MYO15A: variants seen among roughly 807,000 people sequenced by gnomAD.
The protein encoded by MYO15A is myosin XVA.
Under a neutral mutation model 394.6 loss-of-function variants are expected in MYO15A, and 308 were observed. The ratio of observed to expected loss-of-function variants is 0.78; its 90% CI spans 0.71 to 0.86. The LOEUF is 0.86. MYO15A is among the 40% of genes least tolerant of loss of function. MYO15A has a pLI of 0.00. For missense variants in MYO15A, 4,606 were observed against 4,799.1 expected, an observed-to-expected ratio of 0.96 and a Z score of 1.19; for synonymous variants, 1,957 against 2,003.8, an observed-to-expected ratio of 0.98 and a Z score of 0.62.
At chr17:18,158,289 C>A in intron 51 of MYO15A, 1 of 594,286 alleles carries the variant, frequency 1.7e-6, no homozygotes, top group Non-Finnish European at 3.0e-6. Flanking sequence ...GGAAGTCAAC[C>A]CCGGGCAAGG....
chr17:18,133,389 G>A lies in MYO15A; in HGVS notation c.4482+3G>A, dbSNP rs749379377. 1.2e-6 allele frequency: 2 copies of A among 1,613,934 alleles called. No homozygotes were observed. The highest frequency in any genetic ancestry group is 1.7e-6 in the Non-Finnish European group (2 of 1,179,864). ...ACGTCTACTTTGAGAAGTATGAGGT[G>A]AGGGGACGCCACAGCCTGCCATGGG... On this transcript the variant is annotated splice_donor_region_variant and intron_variant, in intron 12 of 65. Transcript: ENST00000647165.
In MYO15A at chr17:18,159,517, C is replaced by T. The variant is rs2046742974; in HGVS notation, c.9230-89C>T. 4 of 1,535,604 alleles carry T rather than the reference C, an allele frequency of 2.6e-6. No individual in the cohort carries two copies. In the South Asian group the frequency reaches 3.4e-5, roughly 13 times the overall value. ...CTCCCAGCTGCCTGTGGCCAAGGCT[C>T]CCAGGGAGGGGCTCAGCCCTGGGGC... is the stretch of plus-strand genomic sequence containing the variant. On this transcript the variant is annotated intron_variant, in intron 54 of 65. Transcript: ENST00000647165.
Position 18,119,888 on chromosome 17 carries a change from C to G in MYO15A, c.1088C>G (p.Pro363Arg). 6.2e-7 allele frequency: 1 copy of G among 1,613,282 alleles called. No homozygotes were observed. The highest frequency in any genetic ancestry group is 8.5e-7 in the Non-Finnish European group (1 of 1,179,998). The change falls in exon 2 of 66, where the codon CCC (proline) becomes CGC (arginine). Residue 363 changes from proline to arginine, a missense_variant. Pro to Arg is a moderately radical substitution (Grantham distance 103). This residue lies in a region of MYO15A where 1,830 missense variants were observed against 1,689.7 expected (regional missense o/e 1.08). Coordinates refer to ENST00000647165, the MANE Select transcript of MYO15A (RefSeq NM_016239.4). ...YPPYDLPYHT[P>R]YDVPYFDPYG... ...CCCTATGACCTCCCATACCACACTC[C>G]CTACGATGTACCCTACTTTGATCCC...
chr17:18,153,678 A>G lies in MYO15A; in HGVS notation c.7967-97A>G. On this transcript the variant is annotated intron_variant, in intron 42 of 65. Coordinates refer to ENST00000647165, the MANE Select transcript of MYO15A (RefSeq NM_016239.4). The surrounding 1 kb of genome is among the most constrained non-coding windows in gnomAD (Gnocchi z 4.1). ...GCGCCACTGCACTCTAGCCTGGGGG[A>G]CAACAGCGAAACTCCGTCTCAAAAA... is the stretch of plus-strand genomic sequence containing the variant. 8.2e-7 allele frequency: 1 copy of G among 1,218,690 alleles called. No homozygotes were observed. Among genetic ancestry groups the G allele is most frequent in the South Asian group, 2.0e-5 (1 of 49,242 alleles). 75.5% of individuals were successfully genotyped at this position (1,218,690 alleles called of 1,614,324 possible). A position where few individuals can be genotyped will look rare whatever the true frequency, so the allele number is the denominator to read the frequency against.
Position 18,121,171 on chromosome 17 carries a change from C to T in MYO15A, c.2371C>T (p.Pro791Ser), listed in dbSNP as rs1461737359. 5 of 1,515,694 alleles carry T rather than the reference C, an allele frequency of 3.3e-6. No individual in the cohort carries two copies. In the African/African-American group the frequency reaches 4.3e-5, roughly 13 times the overall value. The allele number at this position is 1,515,694 out of a possible 1,614,324, so 93.9% of individuals were successfully genotyped here. ...CTCGCCGGGCCTCGGCTACTGCTCA[C>T]CCTTGGCGCCCCCGTCGCCTCAGCT... is the stretch of plus-strand genomic sequence containing the variant. ...RSSPGLGYCS[P>S]LAPPSPQLSL... The change falls in exon 2 of 66, where the codon CCC (proline) becomes TCC (serine). Residue 791 changes from proline to serine, a missense_variant. Coordinates refer to ENST00000647165, the MANE Select transcript of MYO15A (RefSeq NM_016239.4). The surrounding 1 kb of genome is among the most constrained non-coding windows in gnomAD (Gnocchi z 5.3).
Position 18,138,735 on chromosome 17 carries a change from T to C in MYO15A, c.5008-76T>C, listed in dbSNP as rs992861182. The C allele has an allele frequency of 1.4e-5, 22 of 1,576,098 alleles. No homozygotes were observed. In the Admixed American group the frequency reaches 1.7e-4, roughly 12 times the overall value. Reference sequence around the variant, plus strand: ...GTGCTCAGTTGGGAGCAGTCGGGGATAGTGAGGTTGCCACCAGGCCAGGAA... The same window carrying C: ...GTGCTCAGTTGGGAGCAGTCGGGGACAGTGAGGTTGCCACCAGGCCAGGAA... On this transcript the variant is annotated intron_variant, in intron 17 of 65. Transcript: ENST00000647165.
At chr17:18,175,234 G>A (rs2046998368) in intron 65 of MYO15A, among the ~76,000 whole-genome samples, 4 of 149,528 alleles carry the variant, frequency 2.7e-5, no homozygotes, top group South Asian at 4.2e-4. Context: ...CAGCCTTCTT[G>A]TGTGAGCCTG....
rs747204300 is a variant in MYO15A, at chr17:18,119,319, C to T, written c.519C>T (p.Pro173=). The change falls in exon 2 of 66, where the codon CCC becomes CCT. Residue 173 remains proline (P), a synonymous_variant. Transcript: ENST00000647165. ...CCCGCATGGGCTCCCGCAAACTCCC[C>T]TTCCCGTCGGGTGCCGAGATCCTGC... The part of the protein sequence containing the change: ...SSSRMGSRKL[P]FPSGAEILRP... 102 of 1,610,264 alleles carry T rather than the reference C, an allele frequency of 6.3e-5. No individual in the cohort carries two copies. Among genetic ancestry groups the T allele is most frequent in the Non-Finnish European group, 7.7e-5 (91 of 1,179,506 alleles).
At position 18,150,539 on chromosome 17, in the gene MYO15A, G is replaced by T. The variant is rs1456154113; in HGVS notation, c.7323G>T (p.Lys2441Asn). 6.2e-7 allele frequency: 1 copy of T among 1,614,046 alleles called. No homozygotes were observed. Among genetic ancestry groups the T allele is most frequent in the Non-Finnish European group, 8.5e-7 (1 of 1,180,010 alleles). Residue 2441 changes from lysine (K) to asparagine (N), a missense_variant, in exon 36 of 66, where the codon AAG becomes AAT. Coordinates refer to ENST00000647165, the MANE Select transcript of MYO15A (RefSeq NM_016239.4). The surrounding 1 kb of genome is among the most constrained non-coding windows in gnomAD (Gnocchi z 4.4). ...CCCCCAGGAGACCCCCAGAGCCAAA[G>T]CCAAGTCAGTGCCTCCCCAGGGTGG... is the stretch of plus-strand genomic sequence containing the variant. ...EDTPRRPPEP[K>N]PIPGLDASTL...
Position 18,163,477 on chromosome 17 carries a change from C to T in MYO15A, c.9690+156C>T, listed in dbSNP as rs62073605. Among the ~76,000 whole-genome samples the T allele has an allele frequency of 0.17, 25,807 of 152,216 alleles. 2,345 individuals carry two copies. Among genetic ancestry groups the T allele is most frequent in the Middle Eastern group, 0.21 (62 of 294 alleles). On this transcript the variant is annotated intron_variant, in intron 59 of 65. Coordinates refer to ENST00000647165, the MANE Select transcript of MYO15A (RefSeq NM_016239.4). ...AGGCAGGACTTATTTCTCAGAAGAG[C>T]AAACTGCACCTCAGAGAGGTTAAGC... is the stretch of plus-strand genomic sequence containing the variant.
intron 65 of MYO15A, 21 bp from the exon 66 acceptor site, chr17:18,178,748 G>A (rs989855626): frequency 1.2e-6 from 2 of 1,610,562 alleles, no homozygotes; most frequent in Non-Finnish European, 1.7e-6. Flanking sequence ...GATGGGCGTG[G>A]ACTGTCACTG....
chr17:18,120,804 GC>G lies in MYO15A; in HGVS notation c.2009del (p.Pro670GlnfsTer58), dbSNP rs1167933688. 3.1e-6 allele frequency: 4 copies of G among 1,290,498 alleles called. No individual in the cohort carries two copies. Among genetic ancestry groups the G allele is most frequent in the South Asian group, 3.9e-5 (2 of 50,968 alleles). The allele number at this position is 1,290,498 out of a possible 1,614,324, so 79.9% of individuals were successfully genotyped here. ...TCCTGTCTCCGCCCGTGCCCCCGCG[GC>G]CCCCAAGCTCCGGGCCCCCGCCCGC... is the stretch of plus-strand genomic sequence containing the variant. Reference protein sequence around the residue: ...ALLSPPVPPRPPSSGPPPAPP... With the variant: ...ALLSPPVPPRXPSSGPPPAPP... On this transcript the variant is annotated frameshift_variant, in exon 2 of 66. Transcript: ENST00000647165. LOFTEE classifies it high-confidence loss of function.
chr17:18,143,754 G>C lies in MYO15A; in HGVS notation c.6004G>C (p.Glu2002Gln). ...GGAGGTAGTCGCTGTGGGGCACCTG[G>C]AGGTACCGGCTGAGCTGGCTGGGCT... ...KREVVAVGHL[E>Q]VPAELAGLLQ... Residue 2002 changes from glutamate (E) to glutamine (Q), a missense_variant, in exon 27 of 66, where the codon GAG becomes CAG. Physicochemically the swap from Glu to Gln is conservative, Grantham distance 29 (BLOSUM62 2). Transcript: ENST00000647165. 6.3e-7 allele frequency: 1 copy of C among 1,599,490 alleles called. No homozygotes were observed. The highest frequency in any genetic ancestry group is 2.3e-5 in the East Asian group (1 of 44,146).
Position 18,146,019 on chromosome 17 carries a change from G to A in MYO15A, c.6421G>A (p.Ala2141Thr), listed in dbSNP as rs2046473553. ...CAATCAGGTGTGGCACAATCACAATGCCCACAATGCTGAGCGGGGCTGGCT... is the reference window on the plus strand; with the variant it reads ...CAATCAGGTGTGGCACAATCACAATACCCACAATGCTGAGCGGGGCTGGCT... ...LANQVWHNHN[A>T]HNAERGWLLL... is the part of the protein sequence containing the mutation. Residue 2141 changes from alanine to threonine, a missense_variant, in exon 30 of 66, where the codon GCC becomes ACC. Ala to Thr is a moderately conservative substitution (Grantham distance 58). Transcript: ENST00000647165. 3 of 1,613,842 alleles carry A rather than the reference G, an allele frequency of 1.9e-6. No individual in the cohort carries two copies. Among genetic ancestry groups the A allele is most frequent in the Non-Finnish European group, 2.5e-6 (3 of 1,180,040 alleles).
At position 18,121,211 on chromosome 17, in the gene MYO15A, G is replaced by T. The variant is rs2045921315; in HGVS notation, c.2411G>T (p.Gly804Val). ...PPSPQLSLRT[G>V]PFQPPFLPPA... Reference sequence around the variant, plus strand: ...TCGCCTCAGCTGTCCTTGCGCACGGGCCCCTTCCAGCCGCCCTTCCTGCCC... The same window carrying T: ...TCGCCTCAGCTGTCCTTGCGCACGGTCCCCTTCCAGCCGCCCTTCCTGCCC... The change falls in exon 2 of 66, where the codon GGC becomes GTC. Residue 804 changes from glycine to valine, a missense_variant. Around this residue, in one of 2 missense-constraint regions of MYO15A, gnomAD observed 1,830 missense variants for 1,689.7 expected, o/e 1.08. Transcript: ENST00000647165. This position sits in a 1 kb window ranked among gnomAD's most constrained non-coding sequence, Gnocchi z 5.3. The T allele has an allele frequency of 3.3e-6, 5 of 1,496,008 alleles. No homozygotes were observed. In the East Asian group the frequency reaches 1.1e-4, roughly 34 times the overall value. The allele number at this position is 1,496,008 out of a possible 1,614,324, so 92.7% of individuals were successfully genotyped here.
chr17:18,148,100 G>A lies in MYO15A; in HGVS notation c.6581G>A (p.Arg2194Gln), dbSNP rs375638438. The A allele has an allele frequency of 2.2e-5, 36 of 1,613,942 alleles. 1 individual carries two copies. The highest frequency in any genetic ancestry group is 2.1e-4 in the African/African-American group (16 of 75,066). ...CQHRLMQAMG[R>Q]AQQQGSGAAR... ...CACCGCCTCATGCAGGCCATGGGCC[G>A]GGCCCAACAGCAGGGCTCGGGGGCT... Residue 2194 changes from arginine (R) to glutamine (Q), a missense_variant, in exon 31 of 66, where the codon CGG becomes CAG. Coordinates refer to ENST00000647165, the MANE Select transcript of MYO15A (RefSeq NM_016239.4). The surrounding 1 kb of genome is among the most constrained non-coding windows in gnomAD (Gnocchi z 4.8).
rs2046326230 is a variant in MYO15A at position 18,138,824 on chromosome 17, C to A, written c.5021C>A (p.Thr1674Asn). The A allele has an allele frequency of 3.7e-6, 6 of 1,613,936 alleles. No individual in the cohort carries two copies. The highest frequency in any genetic ancestry group is 2.2e-5 in the East Asian group (1 of 44,888). ...QCCFPQATDH[T>N]FLQKCHYHHG... ...AATTGCCCCCAGGCTACAGACCACA[C>A]CTTCCTACAGAAGTGCCACTACCAT... is the stretch of plus-strand genomic sequence containing the variant. Residue 1674 changes from threonine to asparagine, a missense_variant, in exon 18 of 66, where the codon ACC becomes AAC. This residue lies in a region of MYO15A where 2,776 missense variants were observed against 3,109.3 expected (regional missense o/e 0.89). Coordinates refer to ENST00000647165, the MANE Select transcript of MYO15A (RefSeq NM_016239.4).
intron 19 of MYO15A, among the ~76,000 whole-genome samples, chr17:18,140,173 G>A (rs978888979): frequency 8.5e-5 from 13 of 152,144 alleles, no homozygotes; most frequent in Non-Finnish European, 1.8e-4. Context: ...CTGGCCCTCC[G>A]CTTCCTCCTG....
chr17:18,148,181 G>GC lies in MYO15A; in HGVS notation c.6663dup (p.Met2222HisfsTer11). On this transcript the variant is annotated frameshift_variant, in exon 31 of 66. Coordinates refer to ENST00000647165, the MANE Select transcript of MYO15A (RefSeq NM_016239.4). LOFTEE classifies it high-confidence loss of function. The surrounding 1 kb of genome is among the most constrained non-coding windows in gnomAD (Gnocchi z 4.8). ...TGGACAGCGACCTATGAGAAGGCCA[G>GC]CATGGCGCTGGACGTGGGCTGCTTC... 1 of 1,613,816 alleles carries GC rather than the reference G, an allele frequency of 6.2e-7. No homozygotes were observed. Among genetic ancestry groups the GC allele is most frequent in the South Asian group, 1.1e-5 (1 of 91,088 alleles).
Sources: allele counts gnomAD v4.1 joint callset (sites outside exome capture counted in the v4.1 genomes callset), GRCh38; gene constraint gnomAD v4.1.1; regional missense constraint gnomAD v4.1.1; non-coding constraint Gnocchi (gnomAD v3.1); transcripts MANE v1.5; gene names NCBI Gene and HGNC (gene_info 2026-07-23, HGNC 2026-07-21).